The following DIP2B variants were observed in gnomAD, a reference collection of about 807,000 sequenced individuals.
DIP2B encodes the protein DIP2 acetate--CoA ligase B (putative), also known as disco-interacting protein 2 homolog B.
DIP2B carries 76 observed loss-of-function variants against 198.0 expected under a neutral mutation model. The observed-to-expected ratio is 0.38, with a 90% CI of 0.32 to 0.46. The LOEUF is 0.46. Among genes scored for constraint, DIP2B ranks in the 20% least tolerant of loss-of-function variants. The probability of loss-of-function intolerance (pLI) is 0.99; values close to 1 mark genes in which losing one functional copy is unlikely to be tolerated. For missense variants in DIP2B, 1,559 were observed against 1,978.4 expected, an observed-to-expected ratio of 0.79 and a Z score of 4.02; for synonymous variants, 701 against 739.1, an observed-to-expected ratio of 0.95 and a Z score of 0.84.
chr12:50,583,073 G>C (rs756539785), intron 1 of DIP2B, among the ~76,000 whole-genome samples: 1 of 152,178 alleles, frequency 6.6e-6, no homozygotes, highest in Non-Finnish European at 1.5e-5. Context: ...GTGTTAGTAG[G>C]ATTCCATGTA....
intron 2 of DIP2B, among the ~76,000 whole-genome samples, chr12:50,627,616 A>G (rs1307721443): frequency 2.0e-5 from 3 of 152,238 alleles, no homozygotes; most frequent in Non-Finnish European, 4.4e-5. Context: ...GGTGTGAGCC[A>G]CCACGCCTGG....
chr12:50,628,852 G>T (rs773133304), intron 2 of DIP2B, among the ~76,000 whole-genome samples: 25 of 152,122 alleles, frequency 1.6e-4, no homozygotes, highest in Middle Eastern at 3.4e-3. Flanking sequence ...CTCTTATTTT[G>T]AATCTCTCTT....
At chr12:50,727,054 G>T (rs1249259129) in intron 28 of DIP2B, among the ~76,000 whole-genome samples, 1 of 152,104 alleles carries the variant, frequency 6.6e-6, no homozygotes, top group Non-Finnish European at 1.5e-5. Context: ...GCAGATGGAG[G>T]TTGCAGTGAC....
intron 2 of DIP2B, among the ~76,000 whole-genome samples, chr12:50,639,805 A>G (rs995488955): frequency 1.3e-5 from 2 of 152,184 alleles, no homozygotes; most frequent in Non-Finnish European, 2.9e-5. Flanking sequence ...CCTGGAGGAC[A>G]TTATGCTGAG....
chr12:50,610,719 G>A (rs1203108629), intron 1 of DIP2B, among the ~76,000 whole-genome samples: 2 of 152,030 alleles, frequency 1.3e-5, no homozygotes, highest in Non-Finnish European at 1.5e-5. Context: ...TGTTAGCCAG[G>A]ATGGTCTTGA....
intron 1 of DIP2B, among the ~76,000 whole-genome samples, chr12:50,532,943 G>A (rs1958231570): frequency 6.6e-6 from 1 of 152,204 alleles, no homozygotes; most frequent in Non-Finnish European, 1.5e-5. Flanking sequence ...CCCTCACCGG[G>A]CTGGTTTTTC....
Position 50,611,528 on chromosome 12 carries a change from A to G in DIP2B, c.101-14448A>G, listed in dbSNP as rs555408514. On this transcript the variant is annotated intron_variant, in intron 1 of 37. Transcript: ENST00000301180. ...AGTAACCACCAGCTAGTTATTTAAAATTTTGCCAGGAAAAGAGGAACCAGA... is the reference window on the plus strand; with the variant it reads ...AGTAACCACCAGCTAGTTATTTAAAGTTTTGCCAGGAAAAGAGGAACCAGA... 3.9e-5 allele frequency among the ~76,000 whole-genome samples: 6 copies of G among 152,252 alleles called. No individual in the cohort carries two copies. The South Asian group carries it at 1.2e-3, about 32-fold the overall frequency.
chr12:50,564,618 T>G (rs1057368521), intron 1 of DIP2B, among the ~76,000 whole-genome samples: 2 of 152,224 alleles, frequency 1.3e-5, no homozygotes, highest in African/African-American at 4.8e-5. Flanking sequence ...GCCCCCTCTG[T>G]GAATTACCTG....
At chr12:50,575,029 T>C (rs1454945682) in intron 1 of DIP2B, among the ~76,000 whole-genome samples, 2 of 152,240 alleles carry the variant, frequency 1.3e-5, no homozygotes, top group East Asian at 3.8e-4. Flanking sequence ...CTTTCATTTT[T>C]AGTTTTCTTC....
In DIP2B at chr12:50,625,898, T is replaced by C. The variant is rs1937924534; in HGVS notation, c.101-78T>C. ...TATATGGGGTAGTTCTATAACTCTG[T>C]AATTAATTTTATTTTTACAGTGGAA... On this transcript the variant is annotated intron_variant, in intron 1 of 37. Transcript: ENST00000301180. The C allele has an allele frequency of 1.0e-5, 15 of 1,465,216 alleles. No individual in the cohort carries two copies. In the South Asian group the frequency reaches 1.7e-4, roughly 17 times the overall value. The allele number at this position is 1,465,216 out of a possible 1,614,324, so 90.8% of individuals were successfully genotyped here.
In DIP2B at chr12:50,678,772, C is replaced by A; in HGVS notation, c.1010C>A (p.Pro337His). 6.2e-7 allele frequency: 1 copy of A among 1,614,218 alleles called. No homozygotes were observed. The highest frequency in any genetic ancestry group is 8.5e-7 in the Non-Finnish European group (1 of 1,180,040). Residue 337 changes from proline to histidine, a missense_variant, in exon 8 of 38, where the codon CCT (proline) becomes CAT (histidine). Pro to His is a moderately conservative substitution (Grantham distance 77). Coordinates refer to ENST00000301180, the MANE Select transcript of DIP2B (RefSeq NM_173602.3). ...EPLGVICNWP[P>H]ALESALQRWG... is the part of the protein sequence containing the mutation. Reference sequence around the variant, plus strand: ...TTAGGAGTCATCTGTAACTGGCCTCCTGCTCTTGAATCTGCCCTGCAGCGC... The same window carrying A: ...TTAGGAGTCATCTGTAACTGGCCTCATGCTCTTGAATCTGCCCTGCAGCGC...
chr12:50,731,605 G>A (rs1449040628), intron 31 of DIP2B, 68 bp downstream of exon 31: 4 of 1,516,306 alleles, frequency 2.6e-6, no homozygotes, highest in Non-Finnish European at 3.6e-6. Flanking sequence ...GACGTAACAG[G>A]GCCAGAGCAG....
intron 1 of DIP2B, among the ~76,000 whole-genome samples, chr12:50,546,577 C>G (rs1958379433): frequency 6.6e-6 from 1 of 152,208 alleles, no homozygotes; most frequent in Admixed American, 6.5e-5. Flanking sequence ...ATTTTGTTCT[C>G]TGGGCCTCTC....
At chr12:50,717,939 C>T (rs1256672922) in intron 23 of DIP2B, among the ~76,000 whole-genome samples, 3 of 107,910 alleles carry the variant, frequency 2.8e-5, no homozygotes, top group African/African-American at 1.1e-4. Context: ...CTCGCTCTGT[C>T]GCCATACTGG....
chr12:50,650,549 A>G (rs919830891), intron 3 of DIP2B, among the ~76,000 whole-genome samples: 33 of 152,180 alleles, frequency 2.2e-4, no homozygotes, highest in Admixed American at 1.6e-3. Context: ...TATAACTGGA[A>G]TCATGCAGTA....
chr12:50,601,186 TGCCTGACTTTCGTAGCAG>T (rs1048786698), intron 1 of DIP2B, among the ~76,000 whole-genome samples: 2 of 152,168 alleles, frequency 1.3e-5, no homozygotes, highest in African/African-American at 4.8e-5. Context: ...CCTAGACCAG[TGCCTGACTTTCGTAGCAG>T]GCCCTCAGCA....
chr12:50,675,217 G>A, intron 6 of DIP2B, 112 bp from the exon 7 acceptor site: 2 of 1,359,494 alleles, frequency 1.5e-6, no homozygotes, highest in East Asian at 2.3e-5. Context: ...GAAAGAGAAG[G>A]AAACTGGACA....
chr12:50,663,938 A>G (rs1938701972), intron 4 of DIP2B, among the ~76,000 whole-genome samples: 1 of 151,750 alleles, frequency 6.6e-6, no homozygotes, highest in Non-Finnish European at 1.5e-5. Context: ...AAATTAGCCT[A>G]ATAGCCTAAT....
At position 50,678,830 on chromosome 12, in the gene DIP2B, G is replaced by A. The variant is rs1287807767; in HGVS notation, c.1068G>A (p.Leu356=). The change falls in exon 8 of 38, where the codon CTG becomes CTA. Residue 356 remains leucine, a synonymous_variant. Coordinates refer to ENST00000301180, the MANE Select transcript of DIP2B (RefSeq NM_173602.3). ...CCACTCAAGCAAAATGCTCCTGTCTGACTGCACTGGACATGACAGGGAAAC... is the reference window on the plus strand; with the variant it reads ...CCACTCAAGCAAAATGCTCCTGTCTAACTGCACTGGACATGACAGGGAAAC... ...WGTTQAKCSC[L]TALDMTGKPV... is the part of the protein sequence containing the mutation. 2 of 1,614,070 alleles carry A rather than the reference G, an allele frequency of 1.2e-6. No homozygotes were observed. Among genetic ancestry groups the A allele is most frequent in the Non-Finnish European group, 1.7e-6 (2 of 1,180,040 alleles).
Sources: allele counts gnomAD v4.1 joint callset (sites outside exome capture counted in the v4.1 genomes callset), GRCh38; gene constraint gnomAD v4.1.1; transcripts MANE v1.5; gene names NCBI Gene and HGNC (gene_info 2026-07-23, HGNC 2026-07-21).